Variants in ZZEF1 observed in about 807,000 individuals in gnomAD.
ZZEF1 encodes zinc finger ZZ-type and EF-hand domain-containing protein 1.
In ZZEF1, 157 loss-of-function variants were observed where a neutral mutation model predicts 342.8. The observed-to-expected ratio is 0.46, with a 90% confidence interval of 0.40 to 0.52. The LOEUF (loss-of-function observed/expected upper bound fraction) is 0.52, where lower values mean the gene tolerates loss of function less well. Among genes scored for constraint, ZZEF1 ranks in the 20% least tolerant of loss-of-function variants. The pLI, the probability that ZZEF1 is intolerant of heterozygous loss-of-function variation, is 0.00. For missense variants in ZZEF1, 3,480 were observed against 3,725.6 expected (o/e 0.93, Z 1.72); for synonymous variants, 1,505 against 1,429.1 (o/e 1.05, Z -1.20).
At chr17:4,021,381 C>T in intron 44 of ZZEF1, 61 bp from the exon 45 acceptor site, 1 of 1,354,406 alleles carries the variant, frequency 7.4e-7, no homozygotes, top group Non-Finnish European at 9.9e-7. Flanking sequence ...ATGGTACAGT[C>T]CTTTAATCAT....
At chr17:4,076,811 G>A (rs1486166768) in intron 20 of ZZEF1, 52 bp from the exon 21 acceptor site, 4 of 1,611,686 alleles carry the variant, frequency 2.5e-6, no homozygotes, top group Non-Finnish European at 3.4e-6. Context: ...TGGGCCTGGG[G>A]ATGCAGACCC....
chr17:4,075,313 C>A lies in ZZEF1; in HGVS notation c.3351G>T (p.Gly1117=), dbSNP rs752177047. The part of the protein sequence containing the change: ...CHEVSVFVSP[G]ATYFEVEFDD... ...CGAATTCCACTTCAAAATAGGTTGCCCCTGGGCTAACAAAGACGGATACCT... is the reference window on the plus strand; with the variant it reads ...CGAATTCCACTTCAAAATAGGTTGCACCTGGGCTAACAAAGACGGATACCT... Residue 1117 remains glycine (G), a synonymous_variant, in exon 22 of 55, where the codon GGG becomes GGT. Transcript: ENST00000381638. 2.5e-6 allele frequency: 4 copies of A among 1,614,128 alleles called. No individual in the cohort carries two copies. In the East Asian group the frequency reaches 8.9e-5, roughly 36 times the overall value.
At position 4,017,372 on chromosome 17, in the gene ZZEF1, T is replaced by C; in HGVS notation, c.8000A>G (p.Lys2667Arg). ...CACAAGCTCAGTCTGCATAACTACC[T>C]TCTCCCACTCATGCTTTTCTTCCAG... ...MQLEEKHEWE[K>R]ILQKVLQGCR... The change falls in exon 48 of 55, where the codon AAG (lysine) becomes AGG (arginine). Residue 2667 changes from lysine (K) to arginine (R), a missense_variant and splice_region_variant. Physicochemically the swap from Lys to Arg is conservative, Grantham distance 26. Coordinates refer to ENST00000381638, the MANE Select transcript of ZZEF1 (RefSeq NM_015113.4). The surrounding 1 kb of genome is among the most constrained non-coding windows in gnomAD (Gnocchi z 5.1). 1 of 1,589,790 alleles carries C rather than the reference T, an allele frequency of 6.3e-7. No homozygotes were observed. Among genetic ancestry groups the C allele is most frequent in the South Asian group, 1.1e-5 (1 of 88,628 alleles).
Position 4,085,335 on chromosome 17 carries a change from T to C in ZZEF1, c.2646+335A>G, listed in dbSNP as rs76313588. On this transcript the variant is annotated intron_variant, in intron 16 of 54. Coordinates refer to ENST00000381638, the MANE Select transcript of ZZEF1 (RefSeq NM_015113.4). ...GGGGACAGGGGCATTCACTATACTA[T>C]TTAGTTAGCTTTGGTATTTGTTTTG... Among the ~76,000 whole-genome samples the C allele has an allele frequency of 4.8e-3, 734 of 152,244 alleles. 5 individuals are homozygous for C. The highest frequency in any genetic ancestry group is 0.017 in the African/African-American group (713 of 41,510).
intron 28 of ZZEF1, among the ~76,000 whole-genome samples, chr17:4,065,376 G>T (rs1176648499): frequency 6.7e-6 from 1 of 148,532 alleles, no homozygotes. Flanking sequence ...CAGCTTGGGC[G>T]AAAGAGTGAG....
intron 1 of ZZEF1, among the ~76,000 whole-genome samples, chr17:4,135,933 C>T (rs1322521983): frequency 6.6e-6 from 1 of 151,004 alleles, no homozygotes; most frequent in Non-Finnish European, 1.5e-5. Flanking sequence ...TAATTGGTAT[C>T]AAAGTTCCAA....
intron 52 of ZZEF1, among the ~76,000 whole-genome samples, chr17:4,011,127 A>G (rs2055941800): frequency 6.6e-6 from 1 of 151,594 alleles, no homozygotes; most frequent in Non-Finnish European, 1.5e-5. Context: ...GATGGCCAGG[A>G]GCGGTGGCTC....
At chr17:4,097,915 C>T (rs887451764) in intron 9 of ZZEF1, among the ~76,000 whole-genome samples, 9 of 130,036 alleles carry the variant, frequency 6.9e-5, no homozygotes, top group African/African-American at 2.1e-4. Flanking sequence ...ACAGTGAGAC[C>T]CCATTTCTAC....
chr17:4,051,671 C>G (rs2057048720), intron 35 of ZZEF1, among the ~76,000 whole-genome samples: 1 of 151,450 alleles, frequency 6.6e-6, no homozygotes, highest in Non-Finnish European at 1.5e-5. Flanking sequence ...TCGCCTCGGC[C>G]TCTGAAAGTG....
rs74472635 is a variant in ZZEF1, at chr17:4,009,912, C to A, written c.8580-155G>T. Among the ~76,000 whole-genome samples the A allele has an allele frequency of 9.2e-3, 1,399 of 152,286 alleles. 19 individuals carry two copies. Among genetic ancestry groups the A allele is most frequent in the African/African-American group, 0.032 (1,338 of 41,552 alleles). On this transcript the variant is annotated intron_variant, in intron 52 of 54. Transcript: ENST00000381638. ...CTCACCTATGCTCCCCACAAAGCAG[C>A]CACGAATAGTCACCAACAGCAAAGA...
chr17:4,082,327 G>C (rs1028554070), intron 17 of ZZEF1, 110 bp downstream of exon 17: 1 of 1,006,226 alleles, frequency 9.9e-7, no homozygotes, highest in African/African-American at 1.6e-5. Flanking sequence ...CTTTCTAACT[G>C]AGTGGCAGGA....
rs201141290 is a variant in ZZEF1, at chr17:4,050,741, A to C, written c.5863+40T>G. The C allele has an allele frequency of 8.1e-6, 13 of 1,610,158 alleles. 1 individual carries two copies. Among genetic ancestry groups the C allele is most frequent in the African/African-American group, 6.7e-5 (5 of 74,992 alleles). ...TTGCCAAGGCTTTTTTTCACCAGCA[A>C]CTGAGGGCTGGTTTTGGTTTCTGTG... is the stretch of plus-strand genomic sequence containing the variant. On this transcript the variant is annotated intron_variant, in intron 36 of 54. Coordinates refer to ENST00000381638, the MANE Select transcript of ZZEF1 (RefSeq NM_015113.4).
At position 4,006,907 on chromosome 17, in the gene ZZEF1, A is replaced by C. The variant is rs1163288702; in HGVS notation, c.8869T>G (p.Trp2957Gly). Residue 2957 changes from tryptophan to glycine, a missense_variant, in exon 55 of 55, where the codon TGG becomes GGG. This residue lies in a region of ZZEF1 where 1,269 missense variants were observed against 1,342.4 expected (regional missense o/e 0.95). Coordinates refer to ENST00000381638, the MANE Select transcript of ZZEF1 (RefSeq NM_015113.4). ...ACCAAGGGCTAACACTCCACATTCC[A>C]GAGGCGGGTGGCCTTGTTTGGGTAG... ...INYPNKATRL[W>G]NVEC The C allele has an allele frequency of 1.3e-6, 2 of 1,568,572 alleles. No homozygotes were observed. The highest frequency in any genetic ancestry group is 1.7e-6 in the Non-Finnish European group (2 of 1,155,516).
At chr17:4,137,377 G>A (rs12452601) in intron 1 of ZZEF1, among the ~76,000 whole-genome samples, 35,975 of 152,132 alleles carry the variant, frequency 0.24, 4,317 homozygotes, top group South Asian at 0.26. Context: ...TTGGGAGGCC[G>A]AGGTGGGCGG....
intron 52 of ZZEF1, among the ~76,000 whole-genome samples, chr17:4,012,292 T>A (rs1053617642): frequency 6.6e-6 from 1 of 152,214 alleles, no homozygotes; most frequent in African/African-American, 2.4e-5. Context: ...ACAGCAAGCA[T>A]GCCCAGCTCT....
intron 16 of ZZEF1, among the ~76,000 whole-genome samples, chr17:4,082,836 C>T (rs1015565238): frequency 2.0e-5 from 3 of 152,080 alleles, no homozygotes; most frequent in Admixed American, 1.3e-4. Flanking sequence ...AGTGCAATGG[C>T]GCGATCTCAG....
At chr17:4,067,264 G>A (rs748254636) in intron 26 of ZZEF1, 22 bp from the exon 27 acceptor site, 7 of 1,598,392 alleles carry the variant, frequency 4.4e-6, no homozygotes, top group Non-Finnish European at 8.6e-7. Context: ...AGCAGAGATG[G>A]AGATTACATT....
Position 4,117,114 on chromosome 17 carries a change from T to C in ZZEF1, c.552A>G (p.Ser184=), listed in dbSNP as rs138250219. 4 of 1,614,010 alleles carry C rather than the reference T, an allele frequency of 2.5e-6. No individual in the cohort carries two copies. The highest frequency in any genetic ancestry group is 3.4e-6 in the Non-Finnish European group (4 of 1,180,000). The change falls in exon 3 of 55, where the codon TCA becomes TCG. Residue 184 remains serine (S), a synonymous_variant. Coordinates refer to ENST00000381638, the MANE Select transcript of ZZEF1 (RefSeq NM_015113.4). ...TGCGGTGCAGGAAGCGCAGTATCAT[T>C]GACGAGTGAATATCAAGGCCCTCCT... ...ESKEGLDIHS[S]MILRFLHRNR... is the part of the protein sequence containing the mutation.
rs2057493515 is a variant in ZZEF1 at position 4,070,824 on chromosome 17, T to C, written c.3935A>G (p.Lys1312Arg). ...NFCGPYSELFKGFIQACRKQA... is the reference protein window; with the variant it reads ...NFCGPYSELFRGFIQACRKQA... ...TTTTCTACATGCCTGTATGAATCCTTTGAAAAGTTCTGAATATGGCCCACA... is the reference window on the plus strand; with the variant it reads ...TTTTCTACATGCCTGTATGAATCCTCTGAAAAGTTCTGAATATGGCCCACA... The change falls in exon 26 of 55, where the codon AAA becomes AGA. Residue 1312 changes from lysine to arginine, a missense_variant. Physicochemically the swap from Lys to Arg is conservative, Grantham distance 26. Around this residue, in one of 5 missense-constraint regions of ZZEF1, gnomAD observed 1,528 missense variants for 1,624.1 expected, o/e 0.94. Transcript: ENST00000381638. 1.9e-6 allele frequency: 3 copies of C among 1,614,164 alleles called. No individual in the cohort carries two copies. Among genetic ancestry groups the C allele is most frequent in the Non-Finnish European group, 1.7e-6 (2 of 1,180,044 alleles).
Sources: allele counts gnomAD v4.1 joint callset (sites outside exome capture counted in the v4.1 genomes callset), GRCh38; gene constraint gnomAD v4.1.1; regional missense constraint gnomAD v4.1.1; non-coding constraint Gnocchi (gnomAD v3.1); transcripts MANE v1.5; gene names NCBI Gene and HGNC (gene_info 2026-07-23, HGNC 2026-07-21).